The following CALN1 variants were observed in gnomAD, a reference collection of about 807,000 sequenced individuals.
CALN1 encodes the protein calcium-binding protein 8.
A neutral mutation model predicts 30.6 loss-of-function variants in CALN1; 17 were observed. The ratio of observed to expected loss-of-function variants is 0.56; its 90% CI spans 0.38 to 0.83. The LOEUF is 0.83. CALN1 is among the 40% of genes least tolerant of loss of function. CALN1 has a pLI of 0.00. For missense variants in CALN1, 291 were observed against 354.9 expected, an observed-to-expected ratio of 0.82 and a Z score of 1.45; for synonymous variants, 156 against 131.4, an observed-to-expected ratio of 1.19 and a Z score of -1.28.
At chr7:72,367,197 C>A (rs1330131825) in intron 2 of CALN1, among the ~76,000 whole-genome samples, 1 of 152,080 alleles carries the variant, frequency 6.6e-6, no homozygotes, top group East Asian at 1.9e-4. Flanking sequence ...GGACTAGAAG[C>A]AGATACAATG....
At chr7:71,887,119 C>T (rs757844259) in intron 5 of CALN1, among the ~76,000 whole-genome samples, 3 of 151,832 alleles carry the variant, frequency 2.0e-5, no homozygotes, top group Admixed American at 6.6e-5. Flanking sequence ...TGGGGAGCGC[C>T]GAGGGATTTT....
the CALN1 span, among the ~76,000 whole-genome samples, chr7:72,486,325 A>G: frequency 6.6e-6 from 1 of 152,186 alleles, no homozygotes; most frequent in Non-Finnish European, 1.5e-5. Context: ...CTGTAGTAAT[A>G]ATACATATAA....
At chr7:72,434,512 C>A (rs960694129) in intron 1 of CALN1, among the ~76,000 whole-genome samples, 18 of 150,424 alleles carry the variant, frequency 1.2e-4, no homozygotes, top group Non-Finnish European at 2.7e-4. Context: ...CAGTGCGAGA[C>A]TCCATCAGAA....
At chr7:72,223,530 G>A (rs1793453286) in intron 3 of CALN1, among the ~76,000 whole-genome samples, 1 of 152,092 alleles carries the variant, frequency 6.6e-6, no homozygotes, top group Non-Finnish European at 1.5e-5. Flanking sequence ...TGCTTAAAAA[G>A]AGCAGGACAT....
At chr7:72,175,509 G>A (rs1012057401) in intron 3 of CALN1, among the ~76,000 whole-genome samples, 10 of 152,108 alleles carry the variant, frequency 6.6e-5, no homozygotes, top group African/African-American at 2.4e-4. Flanking sequence ...TCAGCTTCTG[G>A]ACAACCTCAC....
intron 5 of CALN1, among the ~76,000 whole-genome samples, chr7:72,013,975 C>T (rs1003902724): frequency 6.6e-6 from 1 of 151,744 alleles, no homozygotes; most frequent in Non-Finnish European, 1.5e-5. Context: ...CCAAGTGTCA[C>T]CAAATAGTTT....
chr7:72,066,107 T>A (rs533710706), intron 4 of CALN1, among the ~76,000 whole-genome samples: 57 of 152,222 alleles, frequency 3.7e-4, no homozygotes, highest in Non-Finnish European at 6.6e-4. Context: ...TCTTCTCTTG[T>A]TTTTGTATAG....
At chr7:72,291,507 C>A (rs1304187785) in intron 2 of CALN1, among the ~76,000 whole-genome samples, 1 of 152,224 alleles carries the variant, frequency 6.6e-6, no homozygotes, top group Non-Finnish European at 1.5e-5. Context: ...ACTTAGAAGC[C>A]TGCACCACAC....
chr7:72,499,893 CTTTCTTTCTTTCTTTCTTTCT>C, the CALN1 span, among the ~76,000 whole-genome samples: 1 of 45,906 alleles, frequency 2.2e-5, no homozygotes, highest in Non-Finnish European at 4.0e-5. Flanking sequence ...TTCTTTCTTT[CTTTCTTTCTTTCTTTCTTTCT>C]ATCTTTCTCT....
intron 3 of CALN1, among the ~76,000 whole-genome samples, chr7:72,152,628 A>G (rs1185847552): frequency 1.3e-5 from 2 of 152,168 alleles, no homozygotes; most frequent in Non-Finnish European, 2.9e-5. Context: ...GAAACTTGAG[A>G]TGTTTCCCGG....
At chr7:72,200,342 G>T (rs1791332457) in intron 3 of CALN1, among the ~76,000 whole-genome samples, 1 of 152,128 alleles carries the variant, frequency 6.6e-6, no homozygotes, top group South Asian at 2.1e-4. Context: ...TCCTCTCTGT[G>T]AACTAGAAAT....
intron 2 of CALN1, among the ~76,000 whole-genome samples, chr7:72,333,376 A>G (rs1240379651): frequency 6.6e-6 from 1 of 152,268 alleles, no homozygotes; most frequent in Non-Finnish European, 1.5e-5. Context: ...TTAAATGATT[A>G]AAAACTTAAT....
Position 71,779,744 on chromosome 7 carries a change from T to A in CALN1, c.*8031A>T, listed in dbSNP as rs1792620495. 6.6e-6 allele frequency: 1 copy of A among 152,218 alleles called. No homozygotes were observed. The highest frequency in any genetic ancestry group is 1.5e-5 in the Non-Finnish European group (1 of 68,042). The allele number at this position is 152,218 out of a possible 1,614,324, so 9.4% of individuals were successfully genotyped here. A position where few individuals can be genotyped will look rare whatever the true frequency, so the allele number is the denominator to read the frequency against. On this transcript the variant is annotated 3_prime_UTR_variant, in exon 7 of 7. Transcript: ENST00000395275. ...TTCTTTTTTGACTAGTCTGCTGACT[T>A]TCTCATCACTTAATAGCAGAAATCA...
chr7:72,107,022 AAAAAAG>A (rs1807220091), intron 3 of CALN1, among the ~76,000 whole-genome samples: 1 of 150,962 alleles, frequency 6.6e-6, no homozygotes, highest in Non-Finnish European at 1.5e-5. Flanking sequence ...AAGAAAGAGA[AAAAAAG>A]AAAAAGAAAG....
rs562003713 is a variant in CALN1, at chr7:72,270,495, G to T, written c.244+8191C>A. ...TAAAAGTTTTAATAAGCCAAGGCTG[G>T]GTGTGGTGGCTCATGCCTGTAATCC... On this transcript the variant is annotated intron_variant, in intron 3 of 6. Transcript: ENST00000395275. Among the ~76,000 whole-genome samples, 7 of 152,306 alleles carry T rather than the reference G, an allele frequency of 4.6e-5. No individual in the cohort carries two copies. In the South Asian group the frequency reaches 8.3e-4, roughly 18 times the overall value.
intron 3 of CALN1, among the ~76,000 whole-genome samples, chr7:72,207,739 T>C (rs1791995694): frequency 6.6e-6 from 1 of 152,188 alleles, no homozygotes; most frequent in Non-Finnish European, 1.5e-5. Flanking sequence ...AGACACACAA[T>C]GCATGTTTGT....
At chr7:72,044,559 G>C in intron 4 of CALN1, among the ~76,000 whole-genome samples, 1 of 150,780 alleles carries the variant, frequency 6.6e-6, no homozygotes, top group South Asian at 2.1e-4. Flanking sequence ...GACGGTTGCA[G>C]GGTATTTTTT....
intron 3 of CALN1, among the ~76,000 whole-genome samples, chr7:72,192,858 G>A (rs562896696): frequency 2.0e-4 from 26 of 129,142 alleles, no homozygotes; most frequent in Admixed American, 8.1e-4. Context: ...CTGTGTCCAT[G>A]TTAGGGAAAT....
At chr7:72,476,339 G>T in the CALN1 span, among the ~76,000 whole-genome samples, 3 of 152,186 alleles carry the variant, frequency 2.0e-5, no homozygotes, top group East Asian at 5.8e-4. Flanking sequence ...GGCCTCCCCA[G>T]CCATGCTAAA....
Sources: gnomAD v4.1 joint callset for allele counts (sites outside exome capture counted in the v4.1 genomes callset) on GRCh38, gnomAD v4.1.1 for gene constraint, MANE v1.5 for transcripts, NCBI Gene and HGNC (gene_info 2026-07-23, HGNC 2026-07-21) for gene names.